The following AGBL1 variants were observed in gnomAD, a reference collection of about 807,000 sequenced individuals.
AGBL1 encodes the protein cytosolic carboxypeptidase 4.
In AGBL1, 130 loss-of-function variants were observed where a neutral mutation model predicts 118.9. That is an observed-to-expected ratio of 1.09 (90% CI 0.95 to 1.26). The LOEUF (loss-of-function observed/expected upper bound fraction) is 1.26, where lower values mean the gene tolerates loss of function less well. Among genes scored for constraint, AGBL1 ranks in the 50% most tolerant of loss-of-function variants. AGBL1 has a pLI of 0.00. For missense variants in AGBL1, 1,584 were observed against 1,298.1 expected (o/e 1.22, Z -3.38); for synonymous variants, 555 against 478.9 (o/e 1.16, Z -2.08).
intron 21 of AGBL1, among the ~76,000 whole-genome samples, chr15:86,581,985 G>A (rs1367917271): frequency 1.3e-5 from 2 of 152,096 alleles, no homozygotes; most frequent in African/African-American, 4.8e-5. Flanking sequence ...GGCTTGGAAA[G>A]TTTCTCAACC....
intron 18 of AGBL1, among the ~76,000 whole-genome samples, chr15:86,434,655 C>T (rs1157061728): frequency 6.6e-6 from 1 of 152,192 alleles, no homozygotes; most frequent in Admixed American, 6.5e-5. Flanking sequence ...ATCAAATGTC[C>T]TTAAATAGAA....
chr15:86,388,749 T>G (rs2081233670), intron 17 of AGBL1, among the ~76,000 whole-genome samples: 1 of 152,152 alleles, frequency 6.6e-6, no homozygotes, highest in African/African-American at 2.4e-5. Flanking sequence ...AACACCTAAG[T>G]TTTTCGCTTG....
At position 86,297,845 on chromosome 15, in the gene AGBL1, G is replaced by A. The variant is rs71399821; in HGVS notation, c.2374+2437G>A. 7.6e-3 allele frequency among the ~76,000 whole-genome samples: 1,156 copies of A among 152,044 alleles called. 7 individuals are homozygous for A. The highest frequency in any genetic ancestry group is 0.011 in the Non-Finnish European group (741 of 67,970). On this transcript the variant is annotated intron_variant, in intron 17 of 22. Transcript: ENST00000614907. ...TCCAGACTCCACACACACAACAAAC[G>A]TGCTGACTCCTTTGTTATAACACAT...
intron 18 of AGBL1, among the ~76,000 whole-genome samples, chr15:86,467,011 T>G (rs976678632): frequency 6.6e-6 from 1 of 152,232 alleles, no homozygotes; most frequent in Non-Finnish European, 1.5e-5. Flanking sequence ...TGCTGGGAGA[T>G]CTGCTGCTCT....
intron 18 of AGBL1, among the ~76,000 whole-genome samples, chr15:86,422,262 G>T (rs1000777902): frequency 6.6e-6 from 1 of 152,190 alleles, no homozygotes; most frequent in African/African-American, 2.4e-5. Context: ...AGACCAAAGT[G>T]CAATCAAATT....
intron 5 of AGBL1, among the ~76,000 whole-genome samples, chr15:86,223,716 C>T (rs1032185262): frequency 6.6e-6 from 1 of 152,188 alleles, no homozygotes; most frequent in African/African-American, 2.4e-5. Flanking sequence ...GCACAGGGGC[C>T]TGTGAATTTC....
At chr15:86,773,998 C>T (rs997476847) in intron 22 of AGBL1, among the ~76,000 whole-genome samples, 1 of 152,024 alleles carries the variant, frequency 6.6e-6, no homozygotes, top group Non-Finnish European at 1.5e-5. Context: ...TGTCGGCAAG[C>T]CCCAATGACC....
At chr15:86,993,284 A>ATCAACTCT (rs1174915031) in intron 24 of AGBL1, among the ~76,000 whole-genome samples, 8 of 152,182 alleles carry the variant, frequency 5.3e-5, no homozygotes, top group African/African-American at 1.9e-4. Flanking sequence ...CATTTTGTAC[A>ATCAACTCT]TCAACTCTTG....
At chr15:86,895,109 T>TATCTTCCCTCCTTCCCTTTCTTTTATC (rs55745243) in intron 22 of AGBL1, among the ~76,000 whole-genome samples, 2 of 151,888 alleles carry the variant, frequency 1.3e-5, no homozygotes, top group Admixed American at 1.3e-4. Context: ...CCCTTTCTTT[T>TATCTTCCCTCCTTCCCTTTCTTTTATC]TTCCTTCCTT....
intron 23 of AGBL1, among the ~76,000 whole-genome samples, chr15:86,925,720 CTTT>C (rs375125663): frequency 0.042 from 5,504 of 131,902 alleles, 79 homozygotes; most frequent in Middle Eastern, 0.08. Flanking sequence ...TTTTTCTTTT[CTTT>C]TTTTTTTTTT....
At chr15:86,471,082 G>C (rs539776253) in intron 18 of AGBL1, among the ~76,000 whole-genome samples, 3 of 152,196 alleles carry the variant, frequency 2.0e-5, no homozygotes, top group African/African-American at 7.2e-5. Flanking sequence ...TAGTGAGAGA[G>C]GGCATCCTTG....
At position 86,298,286 on chromosome 15, in the gene AGBL1, C is replaced by CTATA. The variant is rs71460469; in HGVS notation, c.2374+2886_2374+2889dup. On this transcript the variant is annotated intron_variant, in intron 17 of 22. Coordinates refer to ENST00000614907, the MANE Select transcript of AGBL1 (RefSeq NM_001386094.1). ...ATATATATATATATATATATGGTAACTATATATATATGGTAGCTATATATA... is the reference window on the plus strand; with the variant it reads ...ATATATATATATATATATATGGTAACTATATATATATATATGGTAGCTATATATA... 7.3e-3 allele frequency among the ~76,000 whole-genome samples: 462 copies of CTATA among 63,112 alleles called. 29 individuals are homozygous for CTATA. The highest frequency in any genetic ancestry group is 0.026 in the African/African-American group (444 of 16,884). The allele number at this position is 63,112 out of a possible 152,430, so 41.4% of individuals were successfully genotyped here. A position where few individuals can be genotyped will look rare whatever the true frequency, so the allele number is the denominator to read the frequency against.
At chr15:86,722,864 A>T (rs2086749751) in intron 22 of AGBL1, among the ~76,000 whole-genome samples, 1 of 152,214 alleles carries the variant, frequency 6.6e-6, no homozygotes, top group South Asian at 2.1e-4. Context: ...GACACTTCTC[A>T]AAAGAAGACA....
chr15:86,957,843 A>G (rs1161151833), intron 23 of AGBL1, among the ~76,000 whole-genome samples: 1 of 152,086 alleles, frequency 6.6e-6, no homozygotes, highest in Non-Finnish European at 1.5e-5. Context: ...GGATTTTAAG[A>G]GCTTAACTCT....
intron 1 of AGBL1, among the ~76,000 whole-genome samples, chr15:86,121,538 CA>C (rs1304682821): frequency 6.6e-6 from 1 of 152,094 alleles, no homozygotes; most frequent in Non-Finnish European, 1.5e-5. Context: ...TTTTAAAAAC[CA>C]AAAAGATTAG....
chr15:86,623,749 C>T (rs972739798), intron 21 of AGBL1, among the ~76,000 whole-genome samples: 3 of 152,196 alleles, frequency 2.0e-5, no homozygotes, highest in Non-Finnish European at 4.4e-5. Context: ...AAATCCTGTT[C>T]CTCCAACACA....
At chr15:86,824,087 AAAAC>A (rs2078975572) in intron 22 of AGBL1, among the ~76,000 whole-genome samples, 1 of 152,096 alleles carries the variant, frequency 6.6e-6, no homozygotes, top group South Asian at 2.1e-4. Flanking sequence ...GAACAAGAAA[AAAAC>A]AAATAAAAGA....
In AGBL1 at chr15:86,772,796, G is replaced by C. The variant is rs182411145; in HGVS notation, c.3158+98360G>C. On this transcript the variant is annotated intron_variant, in intron 22 of 22. Coordinates refer to ENST00000614907, the MANE Select transcript of AGBL1 (RefSeq NM_001386094.1). ...TGATAGCTGCTGATACGTACAATAAGCTGAGAACAGAGAAATACTTTGAAA... is the reference window on the plus strand; with the variant it reads ...TGATAGCTGCTGATACGTACAATAACCTGAGAACAGAGAAATACTTTGAAA... Among the ~76,000 whole-genome samples, 339 of 152,186 alleles carry C rather than the reference G, an allele frequency of 2.2e-3. 2 individuals are homozygous for C. The highest frequency in any genetic ancestry group is 7.7e-3 in the African/African-American group (318 of 41,546).
At chr15:86,609,986 C>T (rs1676003248) in intron 21 of AGBL1, among the ~76,000 whole-genome samples, 1 of 152,172 alleles carries the variant, frequency 6.6e-6, no homozygotes, top group African/African-American at 2.4e-5. Flanking sequence ...TGTGCAAGTT[C>T]ACAGATCAAA....
Sources: gnomAD v4.1 joint callset for allele counts (sites outside exome capture counted in the v4.1 genomes callset) on GRCh38, gnomAD v4.1.1 for gene constraint, MANE v1.5 for transcripts, NCBI Gene and HGNC (gene_info 2026-07-23, HGNC 2026-07-21) for gene names.